Variants in GRM8 observed in about 807,000 individuals in gnomAD.
The protein encoded by GRM8 is metabotropic glutamate receptor 8.
GRM8 carries 47 observed loss-of-function variants against 87.2 expected under a neutral mutation model. That is an observed-to-expected ratio of 0.54 (90% confidence interval 0.43 to 0.69). GRM8 has a LOEUF of 0.69. Ranked by LOEUF, GRM8 falls within the 30% of genes least tolerant of loss-of-function variation. GRM8 has a pLI of 0.00. For missense variants in GRM8, 1,019 were observed against 1,139.2 expected, an observed-to-expected ratio of 0.89 and a Z score of 1.52; for synonymous variants, 396 against 404.5, an observed-to-expected ratio of 0.98 and a Z score of 0.25.
At chr7:126,794,880 A>AG (rs1180778613) in intron 6 of GRM8, among the ~76,000 whole-genome samples, 1 of 152,162 alleles carries the variant, frequency 6.6e-6, no homozygotes, top group Non-Finnish European at 1.5e-5. Flanking sequence ...CTGCCAAGCT[A>AG]GCCAGTGGTT....
intron 3 of GRM8, among the ~76,000 whole-genome samples, chr7:126,975,037 C>T (rs1810845760): frequency 6.7e-6 from 1 of 149,404 alleles, no homozygotes; most frequent in African/African-American, 2.5e-5. Flanking sequence ...GCTGAGAGGG[C>T]TCATAGGTTG....
chr7:126,898,869 A>G (rs1210029268), intron 6 of GRM8, among the ~76,000 whole-genome samples: 1 of 152,098 alleles, frequency 6.6e-6, no homozygotes, highest in African/African-American at 2.4e-5. Flanking sequence ...CCATCAACCC[A>G]TCATCTAGGT....
chr7:126,753,748 T>G (rs1420327543), intron 7 of GRM8, among the ~76,000 whole-genome samples: 1 of 151,900 alleles, frequency 6.6e-6, no homozygotes, highest in Non-Finnish European at 1.5e-5. Context: ...GAAAGAATGT[T>G]TATTATTCAA....
intron 9 of GRM8, 21 bp from the exon 10 acceptor site, chr7:126,446,393 G>A (rs1010917737): frequency 1.3e-6 from 2 of 1,491,702 alleles, no homozygotes; most frequent in Non-Finnish European, 1.8e-6. Context: ...AAAAAAAAAA[G>A]AATCACTGTT....
intron 7 of GRM8, among the ~76,000 whole-genome samples, chr7:126,702,097 C>A (rs1211052122): frequency 6.6e-6 from 1 of 152,140 alleles, no homozygotes; most frequent in African/African-American, 2.4e-5. Context: ...CAACTCAATT[C>A]AGCAACACAT....
chr7:126,495,915 T>G (rs1808655883), intron 9 of GRM8, among the ~76,000 whole-genome samples: 1 of 152,004 alleles, frequency 6.6e-6, no homozygotes, highest in South Asian at 2.1e-4. Flanking sequence ...CTGATAAAAT[T>G]GTTTGCACAG....
At chr7:126,444,296 G>T (rs1584622632) in intron 10 of GRM8, among the ~76,000 whole-genome samples, 2 of 152,148 alleles carry the variant, frequency 1.3e-5, no homozygotes, top group African/African-American at 4.8e-5. Flanking sequence ...GGCAGTTACA[G>T]TATACCTTTT....
intron 7 of GRM8, among the ~76,000 whole-genome samples, chr7:126,645,740 T>C (rs1037890233): frequency 6.6e-6 from 1 of 152,118 alleles, no homozygotes; most frequent in African/African-American, 2.4e-5. Flanking sequence ...AAGTAGTACT[T>C]CAACTTCATG....
At chr7:126,745,550 C>T (rs17620189) in intron 7 of GRM8, among the ~76,000 whole-genome samples, 58,606 of 150,886 alleles carry the variant, frequency 0.39, 12,530 homozygotes, top group Non-Finnish European at 0.48. Context: ...TATTCAATCG[C>T]ATCTGCTCAA....
At chr7:126,847,143 C>G (rs1025063567) in intron 6 of GRM8, among the ~76,000 whole-genome samples, 2 of 152,212 alleles carry the variant, frequency 1.3e-5, no homozygotes, top group Middle Eastern at 6.8e-3. Flanking sequence ...CTTACTTTGT[C>G]TAATATATCC....
Position 126,900,338 on chromosome 7 carries a change from G to A in GRM8, c.1156+2204C>T, listed in dbSNP as rs1437672429. Reference sequence around the variant, plus strand: ...CATTTTCCTAGACCTCCCTGATAGAGGTTTAACATCAGCATCCTCCATGAT... The same window carrying A: ...CATTTTCCTAGACCTCCCTGATAGAAGTTTAACATCAGCATCCTCCATGAT... On this transcript the variant is annotated intron_variant, in intron 6 of 10. Coordinates refer to ENST00000339582, the MANE Select transcript of GRM8 (RefSeq NM_000845.3). Among the ~76,000 whole-genome samples, 7 of 152,092 alleles carry A rather than the reference G, an allele frequency of 4.6e-5. No homozygotes were observed. In the East Asian group the frequency reaches 1.4e-3, roughly 29 times the overall value.
At chr7:126,790,084 T>C (rs1821116308) in intron 6 of GRM8, among the ~76,000 whole-genome samples, 1 of 152,032 alleles carries the variant, frequency 6.6e-6, no homozygotes, top group Non-Finnish European at 1.5e-5. Flanking sequence ...CTCGGCTCAC[T>C]GCAACCTCTG....
chr7:126,941,457 A>AAG (rs1806925881), intron 3 of GRM8, among the ~76,000 whole-genome samples: 1 of 151,146 alleles, frequency 6.6e-6, no homozygotes, highest in African/African-American at 2.4e-5. Flanking sequence ...AAAAAAAAAA[A>AAG]AAAATACAAA....
intron 2 of GRM8, among the ~76,000 whole-genome samples, chr7:127,232,419 C>T (rs1797748766): frequency 6.6e-6 from 1 of 152,110 alleles, no homozygotes; most frequent in African/African-American, 2.4e-5. Context: ...TTTATAGATA[C>T]AGGATCTTGT....
intron 7 of GRM8, among the ~76,000 whole-genome samples, chr7:126,767,902 C>T (rs1374556758): frequency 6.6e-6 from 1 of 152,016 alleles, no homozygotes; most frequent in African/African-American, 2.4e-5. Flanking sequence ...AGTTCATATA[C>T]TAAGATTTAT....
chr7:126,953,992 T>C (rs145647448), intron 3 of GRM8, among the ~76,000 whole-genome samples: 1 of 152,290 alleles, frequency 6.6e-6, no homozygotes, highest in East Asian at 1.9e-4. Flanking sequence ...TATTATATAC[T>C]CATGCCTCTT....
At chr7:126,889,350 G>A (rs1226131541) in intron 6 of GRM8, among the ~76,000 whole-genome samples, 1 of 152,092 alleles carries the variant, frequency 6.6e-6, no homozygotes, top group African/African-American at 2.4e-5. Context: ...ATTAAACACA[G>A]AAAGCATAAC....
chr7:127,123,637 C>T (rs1838121753), intron 2 of GRM8, among the ~76,000 whole-genome samples: 1 of 152,146 alleles, frequency 6.6e-6, no homozygotes, highest in African/African-American at 2.4e-5. Flanking sequence ...TTCTTAGCCT[C>T]AGGTATTCCT....
At chr7:127,006,740 T>C (rs1586733163) in intron 3 of GRM8, among the ~76,000 whole-genome samples, 1 of 152,006 alleles carries the variant, frequency 6.6e-6, no homozygotes, top group East Asian at 1.9e-4. Context: ...CTCAATATTC[T>C]CCAGAGTTCA....
Sources: allele counts gnomAD v4.1 joint callset (sites outside exome capture counted in the v4.1 genomes callset), GRCh38; gene constraint gnomAD v4.1.1; transcripts MANE v1.5; gene names NCBI Gene and HGNC (gene_info 2026-07-23, HGNC 2026-07-21).